Variants in COLEC10 observed in about 807,000 individuals in gnomAD.
The protein encoded by COLEC10 is collectin-10.
Under a neutral mutation model 28.4 loss-of-function variants are expected in COLEC10, and 22 were observed. The ratio of observed to expected loss-of-function variants is 0.78; its 90% CI spans 0.55 to 1.11. The LOEUF is 1.11. Among genes scored for constraint, COLEC10 ranks in the 50% least tolerant of loss-of-function variants. COLEC10 has a pLI of 0.00. For missense variants in COLEC10, 361 were observed against 344.1 expected (o/e 1.05, Z -0.39); for synonymous variants, 125 against 116.1 (o/e 1.08, Z -0.49).
rs375706002 is a variant in COLEC10, at chr8:119,003,657, A to T, written n.123-5784A>T. The stretch of plus-strand genomic sequence containing the variant: ...GATGCTTGGAAAGCAGAGTGGAATT[A>T]TGAAAGGATTACAAGCTTCATAGTA... On this transcript the variant is annotated intron_variant and non_coding_transcript_variant, in intron 1 of 6. Coordinates refer to the COLEC10 transcript ENST00000521788. Among the ~76,000 whole-genome samples, 4 of 152,176 alleles carry T rather than the reference A, an allele frequency of 2.6e-5. No homozygotes were observed. The East Asian group carries it at 5.8e-4, about 22-fold the overall frequency.
At chr8:118,970,820 A>G in the COLEC10 span, among the ~76,000 whole-genome samples, 1 of 152,026 alleles carries the variant, frequency 6.6e-6, no homozygotes, top group Non-Finnish European at 1.5e-5. Flanking sequence ...CATGAGGCTC[A>G]AAGAGATTAG....
intron 3 of COLEC10, among the ~76,000 whole-genome samples, chr8:119,098,064 T>A (rs1336312321): frequency 6.6e-6 from 1 of 151,902 alleles, no homozygotes; most frequent in African/African-American, 2.4e-5. Context: ...AAACAATAAC[T>A]CCCCAGATTA....
At position 119,105,946 on chromosome 8, in the gene COLEC10, G is replaced by A. The variant is rs780145064; in HGVS notation, c.589G>A (p.Asp197Asn). 1.2e-6 allele frequency: 2 copies of A among 1,613,748 alleles called. No individual in the cohort carries two copies. The highest frequency in any genetic ancestry group is 2.7e-5 in the African/African-American group (2 of 74,892). The change falls in exon 6 of 6, where the codon GAC becomes AAC. Residue 197 changes from aspartate (D) to asparagine (N), a missense_variant. By Grantham distance (23) the Asp-to-Asn change is conservative. This residue lies in a region of COLEC10 where 335 missense variants were observed against 308.5 expected (regional missense o/e 1.09). Transcript: ENST00000332843. Reference sequence around the variant, plus strand: ...TGAAGCTGCCAACACACTCATCGCTGACTATGTTGCCAAGAGTGGCTTCTT... The same window carrying A: ...TGAAGCTGCCAACACACTCATCGCTAACTATGTTGCCAAGAGTGGCTTCTT... Reference protein sequence around the residue: ...KDEAANTLIADYVAKSGFFRV... With the variant: ...KDEAANTLIANYVAKSGFFRV...
chr8:118,972,382 C>G, the COLEC10 span, among the ~76,000 whole-genome samples: 1 of 151,964 alleles, frequency 6.6e-6, no homozygotes, highest in African/African-American at 2.4e-5. Context: ...GCTGTGGGTA[C>G]CTGCTCTTAC....
At chr8:118,990,014 A>G in the COLEC10 span, among the ~76,000 whole-genome samples, 1 of 152,082 alleles carries the variant, frequency 6.6e-6, no homozygotes, top group African/African-American at 2.4e-5. Flanking sequence ...CTCAACCTGT[A>G]CTATATATGT....
At chr8:119,062,828 A>G (rs1477339495), upstream of COLEC10, 1 of 152,198 alleles carries the variant, frequency 6.6e-6, no homozygotes, top group African/African-American at 2.4e-5. Flanking sequence ...AATGTAAAAA[A>G]GAAATTATTA....
the COLEC10 span, among the ~76,000 whole-genome samples, chr8:118,952,498 T>C: frequency 4.3e-4 from 65 of 152,356 alleles, no homozygotes; most frequent in African/African-American, 1.5e-3. Flanking sequence ...TTCGCAATCA[T>C]TCATCTTCAA....
At chr8:119,033,611 A>T (rs1463850652) in intron 2 of COLEC10, among the ~76,000 whole-genome samples, 1 of 152,230 alleles carries the variant, frequency 6.6e-6, no homozygotes, top group African/African-American at 2.4e-5. Context: ...CAAAAAAGAC[A>T]TTTATGCAGC....
chr8:119,068,365 T>C (rs1034719368), intron 1 of COLEC10: 3 of 152,244 alleles, frequency 2.0e-5, no homozygotes, highest in African/African-American at 7.2e-5. Flanking sequence ...ATCCAAGTTT[T>C]AACCTTTGAT....
chr8:118,966,864 G>A, the COLEC10 span, among the ~76,000 whole-genome samples: 2 of 152,082 alleles, frequency 1.3e-5, no homozygotes, highest in Admixed American at 6.6e-5. Context: ...TTACGTTTAA[G>A]CCTTTCTAAT....
chr8:118,960,785 G>GGAAAAAAAAA, the COLEC10 span, among the ~76,000 whole-genome samples: 52 of 72,556 alleles, frequency 7.2e-4, 2 homozygotes, highest in African/African-American at 2.5e-3. Context: ...GAGACTCTGT[G>GGAAAAAAAAA]AAAAAAAAAA....
upstream of COLEC10, among the ~76,000 whole-genome samples, chr8:119,063,725 A>T (rs1587031392): frequency 7.1e-6 from 1 of 140,876 alleles, no homozygotes; most frequent in African/African-American, 2.6e-5. Flanking sequence ...GCCACAATTC[A>T]ATTCACAAAA....
At chr8:119,001,080 T>A (rs1010874777) in intron 1 of COLEC10, among the ~76,000 whole-genome samples, 1 of 152,170 alleles carries the variant, frequency 6.6e-6, no homozygotes. Flanking sequence ...GCTTCAGGGG[T>A]GCAGTTGGCC....
At chr8:119,087,907 T>C (rs780870044) in intron 1 of COLEC10, among the ~76,000 whole-genome samples, 2 of 152,072 alleles carry the variant, frequency 1.3e-5, no homozygotes, top group Non-Finnish European at 2.9e-5. Flanking sequence ...AATAGAGCAA[T>C]ACGAGTTTCC....
chr8:119,053,826 C>CG (rs1563728883), intron 2 of COLEC10, among the ~76,000 whole-genome samples: 1 of 151,968 alleles, frequency 6.6e-6, no homozygotes, highest in African/African-American at 2.4e-5. Flanking sequence ...TCTTTATCCA[C>CG]GGGGGATACA....
upstream of COLEC10, among the ~76,000 whole-genome samples, chr8:118,991,839 A>G (rs909719577): frequency 1.5e-5 from 2 of 137,212 alleles, no homozygotes; most frequent in Admixed American, 1.5e-4. Flanking sequence ...TTTATATTCA[A>G]TTGAATATAT....
intron 2 of COLEC10, among the ~76,000 whole-genome samples, chr8:119,034,353 A>G (rs1049144676): frequency 6.6e-6 from 1 of 151,912 alleles, no homozygotes; most frequent in Non-Finnish European, 1.5e-5. Flanking sequence ...ACAAACCAGC[A>G]CATGTATACC....
At chr8:118,969,205 G>T in the COLEC10 span, among the ~76,000 whole-genome samples, 2 of 151,998 alleles carry the variant, frequency 1.3e-5, no homozygotes, top group Non-Finnish European at 2.9e-5. Context: ...GGAGAGAACA[G>T]ATTTTCCCCT....
chr8:119,038,895 C>G (rs1814438016), intron 2 of COLEC10, among the ~76,000 whole-genome samples: 1 of 152,016 alleles, frequency 6.6e-6, no homozygotes, highest in Admixed American at 6.6e-5. Context: ...GTCACATTAG[C>G]CTTTTTTTGA....
Sources: gnomAD v4.1 joint callset for allele counts (sites outside exome capture counted in the v4.1 genomes callset) on GRCh38, gnomAD v4.1.1 for gene constraint, gnomAD v4.1.1 regional missense constraint, MANE v1.5 for transcripts, NCBI Gene and HGNC (gene_info 2026-07-23, HGNC 2026-07-21) for gene names.